The following PDIA3 variants were observed in gnomAD, a reference collection of about 807,000 sequenced individuals.
PDIA3 encodes the protein protein disulfide isomerase family A member 3.
PDIA3 carries 16 observed loss-of-function variants against 56.9 expected under a neutral mutation model. The observed-to-expected ratio is 0.28, with a 90% CI of 0.19 to 0.43. The LOEUF is 0.43. PDIA3 is among the 20% of genes least tolerant of loss of function. PDIA3 has a pLI of 1.00. For synonymous variants in PDIA3, 192 were observed against 216.5 expected (o/e 0.89, Z 0.99); for missense variants, 485 against 621.3 (o/e 0.78, Z 2.33).
intron 3 of PDIA3, among the ~76,000 whole-genome samples, chr15:43,758,429 C>G (rs2086793758): frequency 6.6e-6 from 1 of 151,522 alleles, no homozygotes; most frequent in Admixed American, 6.6e-5. Flanking sequence ...GAGGCCAAGG[C>G]AGGCAGATCA....
intron 6 of PDIA3, 91 bp from the exon 7 acceptor site, chr15:43,765,796 C>T: frequency 1.5e-6 from 2 of 1,361,536 alleles, no homozygotes; most frequent in Non-Finnish European, 2.0e-6. Context: ...AAATCTCTTT[C>T]CTTCATAAAT....
chr15:43,764,193 C>G (rs1001364998), intron 5 of PDIA3, among the ~76,000 whole-genome samples: 4 of 152,156 alleles, frequency 2.6e-5, no homozygotes, highest in African/African-American at 9.7e-5. Flanking sequence ...TTCACAAAAA[C>G]AATTTGCAAC....
chr15:43,753,130 T>G (rs2086755432), intron 1 of PDIA3, among the ~76,000 whole-genome samples: 1 of 139,918 alleles, frequency 7.1e-6, no homozygotes, highest in Non-Finnish European at 1.5e-5. Context: ...CAGGCTGGAG[T>G]GCAGTGGCGC....
intron 3 of PDIA3, 152 bp from the exon 4 acceptor site, chr15:43,761,272 A>T (rs2086814329): frequency 6.4e-6 from 3 of 470,824 alleles, no homozygotes; most frequent in East Asian, 3.4e-5. Flanking sequence ...CTGAAATCTT[A>T]CAAGGAGGAA....
chr15:43,756,018 A>G (rs1467628003), intron 2 of PDIA3, among the ~76,000 whole-genome samples: 3 of 152,206 alleles, frequency 2.0e-5, no homozygotes, highest in Non-Finnish European at 1.5e-5. Context: ...CATAAGGATC[A>G]TACTTCATAA....
At chr15:43,764,273 G>A (rs2086834749) in intron 5 of PDIA3, among the ~76,000 whole-genome samples, 1 of 152,166 alleles carries the variant, frequency 6.6e-6, no homozygotes, top group South Asian at 2.1e-4. Context: ...TGAAGGGGGA[G>A]TGGTGCAAGG....
At chr15:43,755,740 C>T (rs2086774822) in intron 2 of PDIA3, among the ~76,000 whole-genome samples, 1 of 152,010 alleles carries the variant, frequency 6.6e-6, no homozygotes, top group Non-Finnish European at 1.5e-5. Context: ...ATGGTGAAAC[C>T]CCGTCTCTAC....
intron 1 of PDIA3, chr15:43,751,809 A>G (rs2086746190): frequency 8.0e-7 from 1 of 1,246,714 alleles, no homozygotes; most frequent in Non-Finnish European, 1.1e-6. Flanking sequence ...TATTTTTGAT[A>G]AGCATCTAGA....
At chr15:43,752,936 C>G in intron 1 of PDIA3, 1 of 466,234 alleles carries the variant, frequency 2.1e-6, no homozygotes, top group South Asian at 1.6e-5. Context: ...TCTGGTGGCC[C>G]TCTGGGAAAG....
At chr15:43,758,846 G>A (rs1283295426) in intron 3 of PDIA3, among the ~76,000 whole-genome samples, 1 of 151,736 alleles carries the variant, frequency 6.6e-6, no homozygotes, top group Non-Finnish European at 1.5e-5. Context: ...GCGTGGTGGT[G>A]CACACGTGTA....
At chr15:43,755,327 C>A (rs1408554955) in intron 2 of PDIA3, among the ~76,000 whole-genome samples, 1 of 151,870 alleles carries the variant, frequency 6.6e-6, no homozygotes, top group African/African-American at 2.4e-5. Context: ...GACTCCATCT[C>A]AAAAAATAAT....
intron 1 of PDIA3, 107 bp from the exon 2 acceptor site, chr15:43,753,717 C>T (rs2086759076): frequency 1.3e-6 from 1 of 779,544 alleles, no homozygotes; most frequent in Non-Finnish European, 2.2e-6. Flanking sequence ...TTGGAAGTGT[C>T]TACTAGCTCA....
rs199676605 is a variant in PDIA3 at position 43,763,098 on chromosome 15, G to A, written c.494G>A (p.Ser165Asn). ...SIVGFFDDSFSEAHSEFLKAA... is the reference protein window; with the variant it reads ...SIVGFFDDSFNEAHSEFLKAA... Reference sequence around the variant, plus strand: ...ATAGGTTTTTTCGATGATTCATTCAGTGAGGCTCACTCCGAGTTCCTAAAA... The same window carrying A: ...ATAGGTTTTTTCGATGATTCATTCAATGAGGCTCACTCCGAGTTCCTAAAA... The change falls in exon 5 of 13, where the codon AGT becomes AAT. Residue 165 changes from serine (S) to asparagine (N), a missense_variant. Transcript: ENST00000300289. 3.2e-5 allele frequency: 51 copies of A among 1,613,928 alleles called. No individual in the cohort carries two copies. The highest frequency in any genetic ancestry group is 1.1e-5 in the South Asian group (1 of 91,076).
In PDIA3 at chr15:43,746,660, G is replaced by C. The variant is rs4080719; in HGVS notation, c.121G>C (p.Asp41His). Residue 41 changes from aspartate (D) to histidine (H), a missense_variant, in exon 1 of 13, where the codon GAC becomes CAC. Transcript: ENST00000300289. ...TDDNFESRIS[D>H]TGSAGLMLVE... ...CGACAACTTCGAGAGTCGCATCTCC[G>C]ACACGGGCTCTGCGGGCCTCATGCT... 2 of 1,612,832 alleles carry C rather than the reference G, an allele frequency of 1.2e-6. No homozygotes were observed. Among genetic ancestry groups the C allele is most frequent in the East Asian group, 2.2e-5 (1 of 44,766 alleles).
At chr15:43,755,156 T>C (rs1001783261) in intron 2 of PDIA3, among the ~76,000 whole-genome samples, 2 of 151,904 alleles carry the variant, frequency 1.3e-5, no homozygotes, top group Non-Finnish European at 2.9e-5. Context: ...TGAAACCCCA[T>C]CTCTACTAAA....
chr15:43,772,490 G>C lies in PDIA3; in HGVS notation c.*1272G>C, dbSNP rs1443270746. 1 of 152,226 alleles carries C rather than the reference G, an allele frequency of 6.6e-6. No homozygotes were observed. The highest frequency in any genetic ancestry group is 1.5e-5 in the Non-Finnish European group (1 of 68,040). 9.4% of individuals were successfully genotyped at this position (152,226 alleles called of 1,614,324 possible). On this transcript the variant is annotated 3_prime_UTR_variant, in exon 13 of 13. Coordinates refer to ENST00000300289, the MANE Select transcript of PDIA3 (RefSeq NM_005313.5). ...CTTGTAACTCATAACATCTGGGCTG[G>C]GGCCCGGGGATCTAATTGTTTAGAG...
chr15:43,761,890 A>AT (rs1246635932), intron 4 of PDIA3, among the ~76,000 whole-genome samples: 1 of 152,144 alleles, frequency 6.6e-6, no homozygotes, highest in Non-Finnish European at 1.5e-5. Flanking sequence ...AAACTCTGAG[A>AT]TTTGACTCAC....
intron 3 of PDIA3, among the ~76,000 whole-genome samples, chr15:43,758,214 G>A (rs531294642): frequency 4.6e-5 from 7 of 152,268 alleles, no homozygotes; most frequent in African/African-American, 1.7e-4. Flanking sequence ...TCCAGCCTGG[G>A]CAACAAGAAG....
chr15:43,763,006 C>G (rs1446835580), intron 4 of PDIA3, 71 bp from the exon 5 acceptor site: 1 of 1,445,862 alleles, frequency 6.9e-7, no homozygotes, highest in African/African-American at 1.4e-5. Context: ...ATGGAATAGA[C>G]GTTTATGGTT....
Sources: gnomAD v4.1 joint callset for allele counts (sites outside exome capture counted in the v4.1 genomes callset) on GRCh38, gnomAD v4.1.1 for gene constraint, MANE v1.5 for transcripts, NCBI Gene and HGNC (gene_info 2026-07-23, HGNC 2026-07-21) for gene names.